The following MICU3 variants were observed in gnomAD, a reference collection of about 807,000 sequenced individuals.
The protein encoded by MICU3 is mitochondrial calcium uptake 3, also known as calcium uptake protein 3, mitochondrial.
MICU3 carries 62 observed loss-of-function variants against 66.5 expected under a neutral mutation model. That is an observed-to-expected ratio of 0.93 (90% confidence interval 0.76 to 1.15). MICU3 has a LOEUF of 1.15. Ranked by LOEUF, MICU3 falls within the 50% of genes most tolerant of loss-of-function variation. MICU3 has a pLI of 0.00. For synonymous variants in MICU3, 308 were observed against 240.7 expected, an observed-to-expected ratio of 1.28 and a Z score of -2.59; for missense variants, 779 against 664.4, an observed-to-expected ratio of 1.17 and a Z score of -1.90.
chr8:17,126,627 GA>G (rs1338262051), downstream of MICU3, among the ~76,000 whole-genome samples: 2 of 152,152 alleles, frequency 1.3e-5, no homozygotes, highest in Non-Finnish European at 2.9e-5. Flanking sequence ...TACTTTTTAA[GA>G]AAAGCACATT....
At chr8:17,119,578 G>GAT (rs1803033046) in intron 14 of MICU3, among the ~76,000 whole-genome samples, 1 of 116,966 alleles carries the variant, frequency 8.5e-6, no homozygotes, top group South Asian at 2.3e-4. Flanking sequence ...GATAGATAGA[G>GAT]GTGTTTCCCA....
chr8:17,084,752 T>C (rs1383086818), intron 5 of MICU3, among the ~76,000 whole-genome samples: 5 of 152,282 alleles, frequency 3.3e-5, no homozygotes, highest in Non-Finnish European at 5.9e-5. Context: ...CAGTCTTCTT[T>C]TGTTTTATAT....
At chr8:17,119,754 T>A (rs1803049658) in intron 14 of MICU3, among the ~76,000 whole-genome samples, 1 of 152,156 alleles carries the variant, frequency 6.6e-6, no homozygotes, top group Non-Finnish European at 1.5e-5. Flanking sequence ...ATGGCAGTAT[T>A]CAGCATTTTA....
intron 8 of MICU3, among the ~76,000 whole-genome samples, chr8:17,093,288 G>C (rs1235603316): frequency 6.6e-6 from 1 of 151,864 alleles, no homozygotes; most frequent in Non-Finnish European, 1.5e-5. Context: ...ATGTATTAGA[G>C]GATTTTTTTA....
chr8:17,105,519 T>A lies in MICU3; in HGVS notation c.1192T>A (p.Tyr398Asn). ...EEDFAHILLRYTNVENTSVFL... is the reference protein window; with the variant it reads ...EEDFAHILLRNTNVENTSVFL... The stretch of plus-strand genomic sequence containing the variant: ...AGATTTTGCTCATATTCTTTTACGA[T>A]ATACAAATGTGGAAAATACATCAGT... The change falls in exon 11 of 15, where the codon TAT becomes AAT. Residue 398 changes from tyrosine to asparagine, a missense_variant. Physicochemically the swap from Tyr to Asn is moderately radical, Grantham distance 143 (BLOSUM62 -2). Transcript: ENST00000318063. 1 of 1,576,742 alleles carries A rather than the reference T, an allele frequency of 6.3e-7. No individual in the cohort carries two copies. The highest frequency in any genetic ancestry group is 8.6e-7 in the Non-Finnish European group (1 of 1,158,060).
intron 1 of MICU3, among the ~76,000 whole-genome samples, chr8:17,049,366 C>T (rs1008679047): frequency 6.6e-6 from 1 of 152,012 alleles, no homozygotes; most frequent in Non-Finnish European, 1.5e-5. Flanking sequence ...AAACTTTGTG[C>T]CTGGAGTTGA....
At chr8:17,112,399 T>A (rs2959603) in intron 11 of MICU3, among the ~76,000 whole-genome samples, 2 of 152,000 alleles carry the variant, frequency 1.3e-5, no homozygotes, top group East Asian at 3.9e-4. Flanking sequence ...TGATTCTGAG[T>A]GTGAGGATGG....
At chr8:17,089,284 A>G (rs1182322933) in intron 7 of MICU3, among the ~76,000 whole-genome samples, 1 of 152,070 alleles carries the variant, frequency 6.6e-6, no homozygotes, top group Non-Finnish European at 1.5e-5. Context: ...AGCTCTCCAA[A>G]TAGTCATTAC....
chr8:17,052,366 ATCT>A, intron 1 of MICU3, among the ~76,000 whole-genome samples: 1 of 152,148 alleles, frequency 6.6e-6, no homozygotes. Flanking sequence ...AACATTTCAA[ATCT>A]TCTCTTCTAG....
intron 1 of MICU3, among the ~76,000 whole-genome samples, chr8:17,047,919 G>T (rs1044654534): frequency 6.6e-6 from 1 of 152,150 alleles, no homozygotes; most frequent in Non-Finnish European, 1.5e-5. Context: ...CTTAACCATT[G>T]ATTGTATACA....
rs1803222045 is a variant in MICU3 at position 17,121,908 on chromosome 8, A to G, written c.*1621A>G. 1 of 151,784 alleles carries G rather than the reference A, an allele frequency of 6.6e-6. No individual in the cohort carries two copies. Among genetic ancestry groups the G allele is most frequent in the Non-Finnish European group, 1.5e-5 (1 of 67,708 alleles). The allele number at this position is 151,784 out of a possible 1,614,324, so 9.4% of individuals were successfully genotyped here. On this transcript the variant is annotated 3_prime_UTR_variant, in exon 15 of 15. Coordinates refer to ENST00000318063, the MANE Select transcript of MICU3 (RefSeq NM_181723.3). Reference sequence around the variant, plus strand: ...AATGAAAATGCCTACCCACTCATATAACATACCTCAGGTCTATTTTACCTT... The same window carrying G: ...AATGAAAATGCCTACCCACTCATATGACATACCTCAGGTCTATTTTACCTT...
intron 5 of MICU3, 102 bp downstream of exon 5, chr8:17,081,842 A>G (rs554187567): frequency 4.9e-6 from 3 of 611,614 alleles, no homozygotes; most frequent in South Asian, 3.3e-5. Flanking sequence ...ATCAATATCC[A>G]TGCTGTTCTG....
At chr8:17,077,710 T>G in intron 3 of MICU3, 73 bp from the exon 4 acceptor site, 1 of 1,073,646 alleles carries the variant, frequency 9.3e-7, no homozygotes, top group Non-Finnish European at 1.4e-6. Flanking sequence ...GGCATGGACA[T>G]TTAAACATGT....
At chr8:17,114,423 A>G (rs1392846923) in intron 12 of MICU3, among the ~76,000 whole-genome samples, 2 of 152,240 alleles carry the variant, frequency 1.3e-5, no homozygotes, top group African/African-American at 2.4e-5. Context: ...GTGTGTACCT[A>G]TGGAGGAAGC....
chr8:17,064,010 A>G (rs1276924922), intron 1 of MICU3, 74 bp from the exon 2 acceptor site: 2 of 1,147,662 alleles, frequency 1.7e-6, no homozygotes, highest in South Asian at 4.0e-5. Context: ...TTCACTTTCA[A>G]CATAATTAAA....
chr8:17,136,845 T>C, the MICU3 span, among the ~76,000 whole-genome samples: 4 of 151,572 alleles, frequency 2.6e-5, no homozygotes, highest in African/African-American at 9.7e-5. Flanking sequence ...ACCTTTTTTT[T>C]TTTTTTTTGA....
At chr8:17,118,504 A>T (rs1220790655) in intron 13 of MICU3, among the ~76,000 whole-genome samples, 3 of 152,148 alleles carry the variant, frequency 2.0e-5, no homozygotes, top group Non-Finnish European at 4.4e-5. Context: ...TCTCAAAATC[A>T]TATTCTTCCT....
intron 1 of MICU3, among the ~76,000 whole-genome samples, chr8:17,034,989 G>T (rs1399409887): frequency 6.6e-6 from 1 of 152,222 alleles, no homozygotes; most frequent in Non-Finnish European, 1.5e-5. Context: ...GAGGGACCCA[G>T]TGGGAGGTGA....
chr8:17,069,869 T>C (rs1014219719), intron 3 of MICU3, 150 bp downstream of exon 3: 2 of 245,314 alleles, frequency 8.2e-6, no homozygotes, highest in African/African-American at 2.3e-5. Flanking sequence ...AGTTCCTTTT[T>C]TTATCCTCCA....
Sources: gnomAD v4.1 joint callset for allele counts (sites outside exome capture counted in the v4.1 genomes callset) on GRCh38, gnomAD v4.1.1 for gene constraint, MANE v1.5 for transcripts, NCBI Gene and HGNC (gene_info 2026-07-23, HGNC 2026-07-21) for gene names.